TAS1R2: variants seen among roughly 807,000 people sequenced by gnomAD.
The protein encoded by TAS1R2 is taste receptor type 1 member 2.
TAS1R2 carries 47 observed loss-of-function variants against 49.3 expected under a neutral mutation model. That is an observed-to-expected ratio of 0.95 (90% CI 0.75 to 1.22). TAS1R2 has a LOEUF of 1.22. Among genes scored for constraint, TAS1R2 ranks in the 50% most tolerant of loss-of-function variants. The pLI, the probability that TAS1R2 is intolerant of heterozygous loss-of-function variation, is 0.00. For synonymous variants in TAS1R2, 479 were observed against 467.9 expected, an observed-to-expected ratio of 1.02 and a Z score of -0.31; for missense variants, 1,155 against 1,122.1, an observed-to-expected ratio of 1.03 and a Z score of -0.42.
Position 18,839,991 on chromosome 1 carries a change from G to GT in TAS1R2, c.2127_2128insA (p.Pro710ThrfsTer3), listed in dbSNP as rs1435901550. Reference sequence around the variant, plus strand: ...ACAATTGTGATCTTGGGGTCATCGGGGTCAGTACGGGTGGTGGGACTGAGG... The same window carrying GT: ...ACAATTGTGATCTTGGGGTCATCGGGTGTCAGTACGGGTGGTGGGACTGAGG... On this transcript the variant is annotated frameshift_variant, in exon 6 of 6. Coordinates refer to ENST00000375371, the Ensembl canonical transcript of TAS1R2. LOFTEE classifies it low-confidence loss of function (END_TRUNC). The GT allele has an allele frequency of 1.9e-6, 3 of 1,614,036 alleles. No individual in the cohort carries two copies. In the African/African-American group the frequency reaches 4.0e-5, roughly 22 times the overall value.
chr1:18,839,797 G>A (rs781610419), exon 6 of TAS1R2: 1 of 1,614,242 alleles, frequency 6.2e-7, no homozygotes, highest in Non-Finnish European at 8.5e-7. Context: ...TGCAGAGGGA[G>A]ACGGATGAGG....
In TAS1R2 at chr1:18,844,398, T is replaced by G. The variant is rs951974302; in HGVS notation, c.1468-2546A>C. Among the ~76,000 whole-genome samples the G allele has an allele frequency of 4.6e-5, 7 of 152,316 alleles. No homozygotes were observed. The East Asian group carries it at 1.4e-3, about 29-fold the overall frequency. On this transcript the variant is annotated intron_variant, in intron 4 of 5. Transcript: ENST00000375371. The stretch of plus-strand genomic sequence containing the variant: ...TGAGCACAAAGCATGAAGATCTCTG[T>G]GTCTCATGTTAATGCAAACCAGAGA...
At chr1:18,851,161 G>A (rs1293502306) in intron 3 of TAS1R2, among the ~76,000 whole-genome samples, 1 of 152,132 alleles carries the variant, frequency 6.6e-6, no homozygotes. Flanking sequence ...GTACGAACAG[G>A]TGGGCCATAT....
chr1:18,841,386 A>G (rs1933821129), intron 5 of TAS1R2, among the ~76,000 whole-genome samples: 1 of 152,140 alleles, frequency 6.6e-6, no homozygotes, highest in South Asian at 2.1e-4. Flanking sequence ...TGCAAATACC[A>G]TTCATTCATT....
exon 6 of TAS1R2, chr1:18,839,773 G>C: frequency 6.2e-7 from 1 of 1,614,240 alleles, no homozygotes; most frequent in Non-Finnish European, 8.5e-7. Flanking sequence ...CCCCGCTGTA[G>C]GCAGACATGA....
chr1:18,847,200 A>C (rs1933936994), intron 4 of TAS1R2, among the ~76,000 whole-genome samples: 1 of 152,198 alleles, frequency 6.6e-6, no homozygotes, highest in African/African-American at 2.4e-5. Context: ...TGGGTGGTGC[A>C]TCTACAGTCA....
intron 2 of TAS1R2, among the ~76,000 whole-genome samples, chr1:18,856,989 C>T (rs1363420065): frequency 6.6e-6 from 1 of 152,202 alleles, no homozygotes; most frequent in Non-Finnish European, 1.5e-5. Flanking sequence ...GAAATTTACA[C>T]AGGTTGAACA....
At chr1:18,840,429 C>T in exon 6 of TAS1R2, 3 of 1,614,152 alleles carry the variant, frequency 1.9e-6, no homozygotes, top group Non-Finnish European at 2.5e-6. Flanking sequence ...ATGGTGGGTG[C>T]CTCATGCCAT....
At chr1:18,855,793 C>T (rs530274966) in intron 2 of TAS1R2, among the ~76,000 whole-genome samples, 84 of 152,292 alleles carry the variant, frequency 5.5e-4, no homozygotes, top group African/African-American at 1.9e-3. Flanking sequence ...GTGATGAATC[C>T]ATCATTCCAG....
chr1:18,855,025 C>T, intron 2 of TAS1R2, 39 bp from the exon 3 acceptor site: 5 of 1,577,696 alleles, frequency 3.2e-6, no homozygotes, highest in African/African-American at 1.3e-5. Flanking sequence ...GAGTGCCCCG[C>T]TGGGTGCTCT....
At chr1:18,856,070 A>C (rs1557600283) in intron 2 of TAS1R2, among the ~76,000 whole-genome samples, 3 of 152,156 alleles carry the variant, frequency 2.0e-5, no homozygotes, top group Non-Finnish European at 4.4e-5. Context: ...TCCTCTTCTC[A>C]GAACTCCTCA....
In TAS1R2 at chr1:18,841,725, A is replaced by C. The variant is rs1228740790; in HGVS notation, c.1591+4T>G. On this transcript the variant is annotated splice_donor_region_variant and intron_variant, in intron 5 of 5. Transcript: ENST00000375371. The stretch of plus-strand genomic sequence containing the variant: ...GGCAGGAGTGCTAGGCCTGTGAATC[A>C]TACCTTCAGTGTGGTTGAGGAAGGT... 1 of 1,612,680 alleles carries C rather than the reference A, an allele frequency of 6.2e-7. No individual in the cohort carries two copies.
rs28644311 is a variant in TAS1R2, at chr1:18,845,350, T to C, written c.1468-3498A>G. Among the ~76,000 whole-genome samples the C allele has an allele frequency of 8.5e-3, 1,302 of 152,284 alleles. 19 individuals are homozygous for C. The highest frequency in any genetic ancestry group is 0.03 in the African/African-American group (1,247 of 41,564). On this transcript the variant is annotated intron_variant, in intron 4 of 5. Transcript: ENST00000375371. ...CCTGCAAGGTGGGGACACTGCCCTT[T>C]AAGATGAAGTTTTGAATGAATGGCT... is the stretch of plus-strand genomic sequence containing the variant.
intron 3 of TAS1R2, among the ~76,000 whole-genome samples, chr1:18,851,983 T>C (rs576753138): frequency 6.6e-6 from 1 of 152,334 alleles, no homozygotes; most frequent in Non-Finnish European, 1.5e-5. Flanking sequence ...TGAGAATTCA[T>C]GTAAAGAGGT....
At chr1:18,848,511 T>C (rs1933962753) in intron 4 of TAS1R2, among the ~76,000 whole-genome samples, 1 of 151,388 alleles carries the variant, frequency 6.6e-6, no homozygotes, top group Non-Finnish European at 1.5e-5. Context: ...AAAGCAGAGG[T>C]CCCTAATCCC....
At chr1:18,844,048 T>C (rs1481091186) in intron 4 of TAS1R2, among the ~76,000 whole-genome samples, 1 of 152,218 alleles carries the variant, frequency 6.6e-6, no homozygotes, top group African/African-American at 2.4e-5. Flanking sequence ...CAGGAATGAT[T>C]CACAAGTAGG....
intron 4 of TAS1R2, 99 bp downstream of exon 4, chr1:18,849,242 T>A: frequency 1.6e-6 from 2 of 1,260,974 alleles, no homozygotes; most frequent in Non-Finnish European, 2.2e-6. Flanking sequence ...TGATAAAGCA[T>A]CTCCAGGCTC....
intron 2 of TAS1R2, among the ~76,000 whole-genome samples, chr1:18,856,882 C>T (rs1934144667): frequency 6.6e-6 from 1 of 152,206 alleles, no homozygotes; most frequent in Non-Finnish European, 1.5e-5. Context: ...AGACCTTGTG[C>T]TAGGCAGCTG....
intron 4 of TAS1R2, among the ~76,000 whole-genome samples, chr1:18,846,673 G>A (rs28505334): frequency 0.42 from 63,257 of 152,022 alleles, 13,471 homozygotes; most frequent in East Asian, 0.55. Context: ...CTGGAGGAGG[G>A]TGGGTCCTTA....
Sources: allele counts gnomAD v4.1 joint callset (sites outside exome capture counted in the v4.1 genomes callset), GRCh38; gene constraint gnomAD v4.1.1; transcripts MANE v1.5; gene names NCBI Gene and HGNC (gene_info 2026-07-23, HGNC 2026-07-21).